Variants in VIT observed in about 807,000 individuals in gnomAD.
VIT encodes vitrin.
A neutral mutation model predicts 78.0 loss-of-function variants in VIT; 99 were observed. The ratio of observed to expected loss-of-function variants is 1.27; its 90% CI spans 1.08 to 1.50. The LOEUF is 1.50. Among genes scored for constraint, VIT ranks in the 40% most tolerant of loss-of-function variants. The probability of loss-of-function intolerance (pLI) is 0.00; values close to 1 mark genes in which losing one functional copy is unlikely to be tolerated. For missense variants in VIT, 1,126 were observed against 875.3 expected (o/e 1.29, Z -3.61); for synonymous variants, 374 against 334.3 (o/e 1.12, Z -1.29).
chr2:36,783,298 C>A, intron 10 of VIT, 42 bp from the exon 11 acceptor site: 1 of 1,609,350 alleles, frequency 6.2e-7, no homozygotes, highest in Non-Finnish European at 8.5e-7. Context: ...CCAGCTGCTT[C>A]CTTTCCTTGT....
chr2:36,772,902 C>T (rs982634874), intron 7 of VIT, among the ~76,000 whole-genome samples: 8 of 152,222 alleles, frequency 5.3e-5, no homozygotes, highest in Admixed American at 3.3e-4. Flanking sequence ...TTACGTGCCT[C>T]TCTTTCCCTT....
chr2:36,726,182 G>T (rs548190871), intron 2 of VIT, among the ~76,000 whole-genome samples: 1 of 152,028 alleles, frequency 6.6e-6, no homozygotes, highest in Non-Finnish European at 1.5e-5. Flanking sequence ...GGAAATAATG[G>T]ATCGATGCAA....
rs759720386 is a variant in VIT, at chr2:36,801,401, G to A, written c.1159G>A (p.Val387Ile). ...TACTCAGAGAGGAGGACTTTCTAATGTAGGTATGTGATCCGGATTCAAATT... is the reference window on the plus strand; with the variant it reads ...TACTCAGAGAGGAGGACTTTCTAATATAGGTATGTGATCCGGATTCAAATT... ...KITQRGGLSN[V>I]GRAISFVTKN... Residue 387 changes from valine (V) to isoleucine (I), a missense_variant, in exon 13 of 16, where the codon GTA becomes ATA. Physicochemically the swap from Val to Ile is conservative, Grantham distance 29. Transcript: ENST00000379242. The A allele has an allele frequency of 6.2e-7, 1 of 1,607,072 alleles. No homozygotes were observed. The highest frequency in any genetic ancestry group is 1.1e-5 in the South Asian group (1 of 90,900).
At chr2:36,778,070 C>T (rs1253130771) in intron 9 of VIT, among the ~76,000 whole-genome samples, 1 of 152,124 alleles carries the variant, frequency 6.6e-6, no homozygotes, top group East Asian at 1.9e-4. Flanking sequence ...AATTCATGCA[C>T]CCCCCATTTA....
chr2:36,771,844 G>A (rs916895847), intron 7 of VIT, among the ~76,000 whole-genome samples: 8 of 152,132 alleles, frequency 5.3e-5, no homozygotes, highest in South Asian at 4.1e-4. Flanking sequence ...AAATATGTGC[G>A]CTTAGTGCCA....
intron 4 of VIT, among the ~76,000 whole-genome samples, chr2:36,748,815 G>T (rs1668288981): frequency 6.6e-6 from 1 of 152,200 alleles, no homozygotes; most frequent in African/African-American, 2.4e-5. Flanking sequence ...CTCTGTGTCT[G>T]CATTGCCTCT....
At chr2:36,729,296 G>A in intron 2 of VIT, 130 bp from the exon 3 acceptor site, 2 of 687,164 alleles carry the variant, frequency 2.9e-6, no homozygotes, top group Non-Finnish European at 4.7e-6. Flanking sequence ...AGTGATGCAT[G>A]ACTGTAAGAG....
rs751910467 is a variant in VIT at position 36,803,582 on chromosome 2, A to G, written c.1163-1856A>G. Among the ~76,000 whole-genome samples the G allele has an allele frequency of 2.0e-5, 3 of 152,196 alleles. No individual in the cohort carries two copies. The East Asian group carries it at 5.8e-4, about 29-fold the overall frequency. On this transcript the variant is annotated intron_variant, in intron 13 of 15. Transcript: ENST00000379242. ...GGAAAAATTGTCCATTGGCTATAAA[A>G]GCAATTCTTAGCAGCCAAGGTTTTT...
chr2:36,780,834 G>C (rs905348137), intron 9 of VIT, among the ~76,000 whole-genome samples: 1 of 151,978 alleles, frequency 6.6e-6, no homozygotes, highest in Non-Finnish European at 1.5e-5. Flanking sequence ...GGGAGGGAGG[G>C]GAGACATGGA....
At chr2:36,754,367 CAT>C (rs1274139074) in intron 4 of VIT, among the ~76,000 whole-genome samples, 1 of 152,180 alleles carries the variant, frequency 6.6e-6, no homozygotes, top group African/African-American at 2.4e-5. Context: ...GAAAGACATT[CAT>C]ATGTCAGTCA....
rs112374901 is a variant in VIT, at chr2:36,802,089, C to T, written c.1162+685C>T. On this transcript the variant is annotated intron_variant, in intron 13 of 15. Transcript: ENST00000379242. The stretch of plus-strand genomic sequence containing the variant: ...ATGATTGTGCAAAGAGAAACATGTT[C>T]TCTGTTTCAAGCTAGGTCTTCTGTG... Among the ~76,000 whole-genome samples the T allele has an allele frequency of 7.8e-4, 119 of 152,326 alleles. 3 individuals are homozygous for T. Among genetic ancestry groups the T allele is most frequent in the African/African-American group, 2.6e-3 (109 of 41,574 alleles).
intron 2 of VIT, among the ~76,000 whole-genome samples, chr2:36,723,980 G>T (rs557017025): frequency 2.8e-4 from 30 of 108,526 alleles, no homozygotes; most frequent in Admixed American, 8.5e-4. Context: ...GGGGAGGGGA[G>T]GGGGGGGATT....
chr2:36,759,824 C>A, intron 6 of VIT: 1 of 342,498 alleles, frequency 2.9e-6, no homozygotes, highest in Non-Finnish European at 4.1e-6. Context: ...TGCTGTATGC[C>A]AGGCATCATT....
intron 12 of VIT, among the ~76,000 whole-genome samples, chr2:36,796,923 C>G (rs1665944143): frequency 6.6e-6 from 1 of 152,094 alleles, no homozygotes; most frequent in Middle Eastern, 3.2e-3. Flanking sequence ...AAATCATTTT[C>G]AAATGTAATT....
intron 4 of VIT, among the ~76,000 whole-genome samples, chr2:36,748,987 C>G (rs1668300232): frequency 6.6e-6 from 1 of 152,196 alleles, no homozygotes; most frequent in Admixed American, 6.5e-5. Context: ...CCCGTGTTTT[C>G]TCCGTCGACC....
At chr2:36,763,558 G>A (rs1346445111) in intron 6 of VIT, among the ~76,000 whole-genome samples, 1 of 149,860 alleles carries the variant, frequency 6.7e-6, no homozygotes, top group African/African-American at 2.4e-5. Context: ...ATTGGGATAG[G>A]AGGAGTAATT....
chr2:36,713,385 C>T (rs1665924679), intron 1 of VIT, among the ~76,000 whole-genome samples: 1 of 152,132 alleles, frequency 6.6e-6, no homozygotes, highest in South Asian at 2.1e-4. Flanking sequence ...GCAGGAGAAT[C>T]GTGAGAAATG....
In VIT at chr2:36,808,489, C is replaced by T. The variant is rs1246729509; in HGVS notation, c.1407C>T (p.Asn469=). Residue 469 remains asparagine, a synonymous_variant, in exon 15 of 16, where the codon AAC becomes AAT. Coordinates refer to ENST00000379242, the MANE Select transcript of VIT (RefSeq NM_053276.4). ...NFANKAVCRT[N]GFYSLHVQSW... The stretch of plus-strand genomic sequence containing the variant: ...TCTTCTAGGCCGTGTGCAGAACAAA[C>T]GGCTTCTACTCGCTCCACGTGCAGA... The T allele has an allele frequency of 3.1e-6, 5 of 1,608,584 alleles. No homozygotes were observed. The highest frequency in any genetic ancestry group is 1.6e-4 in the Middle Eastern group (1 of 6,064).
rs540044824 is a variant in VIT, at chr2:36,808,774, C to T, written c.1692C>T (p.Phe564=). 5 of 1,613,824 alleles carry T rather than the reference C, an allele frequency of 3.1e-6. No homozygotes were observed. The highest frequency in any genetic ancestry group is 2.7e-5 in the African/African-American group (2 of 75,038). ...ACGAACAGCGGCTGGAGTTTGGGTT[C>T]GACAAGTACAGCAGCAAGCCTGACA... The part of the protein sequence containing the change: ...YTYEQRLEFG[F]DKYSSKPDIL... Residue 564 remains phenylalanine, a synonymous_variant, in exon 15 of 16, where the codon TTC becomes TTT. Transcript: ENST00000379242.
Sources: allele counts gnomAD v4.1 joint callset (sites outside exome capture counted in the v4.1 genomes callset), GRCh38; gene constraint gnomAD v4.1.1; transcripts MANE v1.5; gene names NCBI Gene and HGNC (gene_info 2026-07-23, HGNC 2026-07-21).